The following ARHGAP26 variants were observed in gnomAD, a reference collection of about 807,000 sequenced individuals.
ARHGAP26 encodes rho GTPase-activating protein 26.
Under a neutral mutation model 104.8 loss-of-function variants are expected in ARHGAP26, and 38 were observed. That is an observed-to-expected ratio of 0.36 (90% CI 0.28 to 0.48). ARHGAP26 has a LOEUF of 0.48. Among genes scored for constraint, ARHGAP26 ranks in the 20% least tolerant of loss-of-function variants. The pLI is 0.99. For synonymous variants in ARHGAP26, 341 were observed against 340.0 expected (o/e 1.00, Z -0.03); for missense variants, 704 against 947.9 (o/e 0.74, Z 3.38).
At chr5:143,121,168 T>G in intron 18 of ARHGAP26, 21 bp downstream of exon 18, 1 of 1,606,634 alleles carries the variant, frequency 6.2e-7, no homozygotes, top group Non-Finnish European at 8.5e-7. Context: ...ATTGATCACT[T>G]GCAGTGAAGA....
chr5:143,038,079 C>T (rs1156510086), intron 13 of ARHGAP26, among the ~76,000 whole-genome samples: 7 of 152,180 alleles, frequency 4.6e-5, no homozygotes, highest in Non-Finnish European at 7.4e-5. Context: ...TCTGTTGTAC[C>T]GCTGAGAAAA....
chr5:142,810,659 G>C (rs1277699771), intron 1 of ARHGAP26, among the ~76,000 whole-genome samples: 2 of 152,188 alleles, frequency 1.3e-5, no homozygotes. Flanking sequence ...CAGGAAACCA[G>C]TATTTCTGAA....
rs778608938 is a variant in ARHGAP26, at chr5:143,014,094, CAA to C, written c.1124_1125del (p.Lys375ArgfsTer5). 1 of 1,614,156 alleles carries C rather than the reference CAA, an allele frequency of 6.2e-7. No individual in the cohort carries two copies. The highest frequency in any genetic ancestry group is 1.3e-5 in the African/African-American group (1 of 75,040). ...DGREPVYNSN[K>X]DSQSEGTAQL... The stretch of plus-strand genomic sequence containing the variant: ...TTATTTTCCAGGTCTACAACTCGAA[CAA>C]AGACAGCCAGAGTGAAGGGAGTAAG... On this transcript the variant is annotated frameshift_variant, in exon 12 of 23. Transcript: ENST00000645722. LOFTEE classifies it high-confidence loss of function.
chr5:143,002,421 A>G (rs1777316312), intron 11 of ARHGAP26, among the ~76,000 whole-genome samples: 1 of 152,122 alleles, frequency 6.6e-6, no homozygotes, highest in Admixed American at 6.5e-5. Flanking sequence ...GAGCACATAA[A>G]GACATTCTCT....
intron 22 of ARHGAP26, among the ~76,000 whole-genome samples, chr5:143,217,520 G>A (rs1437888215): frequency 6.6e-6 from 1 of 152,206 alleles, no homozygotes; most frequent in African/African-American, 2.4e-5. Context: ...CTAAAATTGG[G>A]TTCTAGGGAT....
At chr5:142,956,444 G>T (rs910582701) in intron 11 of ARHGAP26, among the ~76,000 whole-genome samples, 3 of 152,088 alleles carry the variant, frequency 2.0e-5, no homozygotes, top group African/African-American at 7.2e-5. Context: ...AAGTGTGGTG[G>T]TCCATGCCTG....
chr5:143,138,740 T>A (rs1403701803), intron 19 of ARHGAP26, among the ~76,000 whole-genome samples: 1 of 152,228 alleles, frequency 6.6e-6, no homozygotes, highest in Non-Finnish European at 1.5e-5. Flanking sequence ...TATGACTATA[T>A]AACTTACCAG....
intron 1 of ARHGAP26, among the ~76,000 whole-genome samples, chr5:142,870,324 A>G (rs1387405005): frequency 6.6e-6 from 1 of 152,206 alleles, no homozygotes; most frequent in African/African-American, 2.4e-5. Context: ...ATAAGATACC[A>G]CCAATCTTAC....
rs1562049866 is a variant in ARHGAP26 at position 142,903,563 on chromosome 5, T to C, written c.726T>C (p.Thr242=). 6.2e-7 allele frequency: 1 copy of C among 1,613,898 alleles called. No homozygotes were observed. Residue 242 remains threonine, a synonymous_variant, in exon 8 of 23, where the codon ACT becomes ACC. Transcript: ENST00000645722. ...AGACAAGAAATCGCTTTGAAGGCAC[T>C]AGATCAGAAGTGGAATCACTGATGA... The part of the protein sequence containing the change: ...IQNTRNRFEG[T]RSEVESLMKK...
chr5:143,172,234 G>C lies in ARHGAP26; in HGVS notation c.1988+24853G>C, dbSNP rs554028985. ...GGGTGACATGTGCCAGGTATCTGGT[G>C]GCAACTGTCCTCTGAGCATGGTTGA... On this transcript the variant is annotated intron_variant, in intron 20 of 22. Coordinates refer to ENST00000645722, the MANE Select transcript of ARHGAP26 (RefSeq NM_001135608.3). Among the ~76,000 whole-genome samples, 10 of 152,220 alleles carry C rather than the reference G, an allele frequency of 6.6e-5. No individual in the cohort carries two copies. The South Asian group carries it at 2.1e-3, about 32-fold the overall frequency.
chr5:142,998,464 G>A (rs1016776740), intron 11 of ARHGAP26, among the ~76,000 whole-genome samples: 21 of 152,166 alleles, frequency 1.4e-4, no homozygotes, highest in African/African-American at 5.1e-4. Context: ...GGACCCTACT[G>A]GGCTTAGTCC....
In ARHGAP26 at chr5:142,786,654, A is replaced by ATTTT. The variant is rs70991779; in HGVS notation, c.154+15761_154+15764dup. On this transcript the variant is annotated intron_variant, in intron 1 of 22. Coordinates refer to ENST00000645722, the MANE Select transcript of ARHGAP26 (RefSeq NM_001135608.3). ...TGAAACAGATTTCTGGAGTTCTAGA[A>ATTTT]TTTTTTTTTTTTTTTTTTTTTTTTT... 1.1e-3 allele frequency among the ~76,000 whole-genome samples: 117 copies of ATTTT among 104,474 alleles called. 1 individual carries two copies. Among genetic ancestry groups the ATTTT allele is most frequent in the African/African-American group, 2.4e-3 (70 of 29,470 alleles). The allele number at this position is 104,474 out of a possible 152,430, so 68.5% of individuals were successfully genotyped here.
intron 6 of ARHGAP26, among the ~76,000 whole-genome samples, chr5:142,895,914 C>T (rs1440791030): frequency 2.6e-5 from 4 of 152,222 alleles, no homozygotes; most frequent in Non-Finnish European, 4.4e-5. Context: ...GGATACCACT[C>T]CCAGCTACCT....
chr5:142,858,524 G>A (rs944795591), intron 1 of ARHGAP26, among the ~76,000 whole-genome samples: 1 of 152,114 alleles, frequency 6.6e-6, no homozygotes, highest in East Asian at 1.9e-4. Flanking sequence ...TTTAGAAAAA[G>A]GGGATTGCAG....
intron 7 of ARHGAP26, 135 bp downstream of exon 7, chr5:142,902,174 A>G (rs887543097): frequency 4.5e-6 from 3 of 665,414 alleles, no homozygotes; most frequent in Non-Finnish European, 7.7e-6. Flanking sequence ...TCAGAGGGAA[A>G]CTAGGGGCAG....
chr5:143,221,626 G>A (rs941715346), intron 22 of ARHGAP26, among the ~76,000 whole-genome samples: 3 of 152,036 alleles, frequency 2.0e-5, no homozygotes, highest in South Asian at 2.1e-4. Context: ...CGATCCTCCC[G>A]CTTCGGCACT....
intron 17 of ARHGAP26, among the ~76,000 whole-genome samples, chr5:143,100,861 C>G (rs796785035): frequency 1.3e-5 from 2 of 152,106 alleles, no homozygotes; most frequent in African/African-American, 4.8e-5. Context: ...GAGGCCAATG[C>G]GGGAGGATCA....
At chr5:143,139,194 T>C (rs1050442474) in intron 19 of ARHGAP26, among the ~76,000 whole-genome samples, 1 of 152,226 alleles carries the variant, frequency 6.6e-6, no homozygotes, top group Non-Finnish European at 1.5e-5. Flanking sequence ...TTGAACCTCA[T>C]CTAATAATAA....
intron 17 of ARHGAP26, among the ~76,000 whole-genome samples, chr5:143,092,154 CTTTGT>C (rs1791524318): frequency 7.2e-6 from 1 of 139,080 alleles, no homozygotes; most frequent in African/African-American, 2.6e-5. Flanking sequence ...GCAAACATCC[CTTTGT>C]TTTTTTTTTT....
Sources: allele counts gnomAD v4.1 joint callset (sites outside exome capture counted in the v4.1 genomes callset), GRCh38; gene constraint gnomAD v4.1.1; transcripts MANE v1.5; gene names NCBI Gene and HGNC (gene_info 2026-07-23, HGNC 2026-07-21).